GABRG3: variants seen among roughly 807,000 people sequenced by gnomAD.
The protein encoded by GABRG3 is gamma-aminobutyric acid receptor subunit gamma-3.
A neutral mutation model predicts 48.8 loss-of-function variants in GABRG3; 25 were observed. The observed-to-expected ratio is 0.51, with a 90% CI of 0.37 to 0.72. GABRG3 has a LOEUF of 0.72. GABRG3 is among the 30% of genes least tolerant of loss of function. The probability of loss-of-function intolerance (pLI) is 0.00; values close to 1 mark genes in which losing one functional copy is unlikely to be tolerated. For missense variants in GABRG3, 394 were observed against 577.9 expected (o/e 0.68, Z 3.26); for synonymous variants, 227 against 217.6 (o/e 1.04, Z -0.38).
intron 3 of GABRG3, among the ~76,000 whole-genome samples, chr15:27,272,961 C>T (rs1364636483): frequency 6.6e-6 from 1 of 152,150 alleles, no homozygotes; most frequent in Non-Finnish European, 1.5e-5. Context: ...CTGTTGCCGC[C>T]ACTCATCCCT....
chr15:27,438,568 C>G (rs1888687874), intron 5 of GABRG3, among the ~76,000 whole-genome samples: 1 of 152,160 alleles, frequency 6.6e-6, no homozygotes, highest in African/African-American at 2.4e-5. Flanking sequence ...TGCTCAGAGC[C>G]CACATTTGTG....
intron 3 of GABRG3, among the ~76,000 whole-genome samples, chr15:27,221,678 G>C (rs1450489984): frequency 6.6e-6 from 1 of 152,076 alleles, no homozygotes; most frequent in East Asian, 1.9e-4. Context: ...TTACAACCAA[G>C]TAGCTGTTTT....
chr15:27,504,795 GTCTT>G (rs1890725088), intron 6 of GABRG3, among the ~76,000 whole-genome samples: 1 of 151,982 alleles, frequency 6.6e-6, no homozygotes. Context: ...GTCTAGGAAA[GTCTT>G]TATTTTGCCT....
At chr15:27,510,840 T>G (rs1401050295) in intron 6 of GABRG3, among the ~76,000 whole-genome samples, 4 of 152,236 alleles carry the variant, frequency 2.6e-5, no homozygotes, top group Admixed American at 6.5e-5. Context: ...GGGCATGAAG[T>G]TAAAAACTGA....
intron 3 of GABRG3, among the ~76,000 whole-genome samples, chr15:27,318,433 G>A (rs1893306343): frequency 6.6e-6 from 1 of 152,104 alleles, no homozygotes; most frequent in Non-Finnish European, 1.5e-5. Context: ...GAAAGACTGT[G>A]AGTCCCACCT....
intron 3 of GABRG3, among the ~76,000 whole-genome samples, chr15:27,083,345 ATT>A (rs10657484): frequency 2.8e-5 from 4 of 140,780 alleles, no homozygotes; most frequent in Non-Finnish European, 3.1e-5. Context: ...AGAGCTATTG[ATT>A]TTTTTTTTTT....
chr15:27,343,043 C>CTA (rs1894243496), intron 5 of GABRG3, among the ~76,000 whole-genome samples: 3 of 152,214 alleles, frequency 2.0e-5, no homozygotes, highest in Non-Finnish European at 2.9e-5. Context: ...ATCTCCAAGA[C>CTA]CCTACCTGTC....
At chr15:27,505,017 C>G (rs1476291808) in intron 6 of GABRG3, among the ~76,000 whole-genome samples, 1 of 152,186 alleles carries the variant, frequency 6.6e-6, no homozygotes, top group Admixed American at 6.5e-5. Flanking sequence ...AAACTACAGT[C>G]TCTATTCAGA....
rs1322495397 is a variant in GABRG3 at position 27,457,039 on chromosome 15, AG to A, written c.575-23607del. Among the ~76,000 whole-genome samples the A allele has an allele frequency of 6.6e-6, 1 of 152,186 alleles. No individual in the cohort carries two copies. The highest frequency in any genetic ancestry group is 1.5e-5 in the Non-Finnish European group (1 of 68,044). ...CGACCTCAGAAGGACCTGTGACAGC[AG>A]GGGTGTGGAAGTAGAAGGAGCTGGA... On this transcript the variant is annotated intron_variant, in intron 5 of 9. Coordinates refer to ENST00000615808, the MANE Select transcript of GABRG3 (RefSeq NM_033223.5). The surrounding 1 kb of genome is among the most constrained non-coding windows in gnomAD (Gnocchi z 4.4).
intron 5 of GABRG3, among the ~76,000 whole-genome samples, chr15:27,444,331 G>A (rs1232589249): frequency 6.6e-6 from 1 of 151,802 alleles, no homozygotes; most frequent in Admixed American, 6.6e-5. Context: ...TGTCCATTGA[G>A]GTTTATGCAA....
chr15:27,027,839 T>C (rs1003620007), intron 3 of GABRG3, among the ~76,000 whole-genome samples: 5 of 152,376 alleles, frequency 3.3e-5, no homozygotes, highest in African/African-American at 1.2e-4. Context: ...ACATCATTAT[T>C]CAGTTGACTG....
At chr15:27,250,728 C>T (rs912001104) in intron 3 of GABRG3, among the ~76,000 whole-genome samples, 1 of 152,186 alleles carries the variant, frequency 6.6e-6, no homozygotes, top group East Asian at 1.9e-4. Flanking sequence ...CGACTAGCCT[C>T]AGGAAGCACT....
chr15:27,418,836 C>CT (rs937948808), intron 5 of GABRG3: 3 of 149,876 alleles, frequency 2.0e-5, no homozygotes, highest in South Asian at 2.1e-4. Flanking sequence ...CAATTTATGC[C>CT]TTTTTAAAAA....
intron 3 of GABRG3, among the ~76,000 whole-genome samples, chr15:27,033,639 G>A (rs1055055235): frequency 6.6e-6 from 1 of 151,930 alleles, no homozygotes; most frequent in Non-Finnish European, 1.5e-5. Flanking sequence ...ATTTCTTTTA[G>A]CAATATTAGC....
rs1227120224 is a variant in GABRG3, at chr15:26,976,059, C to T, written c.54-943C>T. Among the ~76,000 whole-genome samples the T allele has an allele frequency of 6.6e-6, 1 of 151,370 alleles. No homozygotes were observed. Among genetic ancestry groups the T allele is most frequent in the African/African-American group, 2.4e-5 (1 of 41,116 alleles). ...TCACTCATTGAGAAAACCAGCTTGT[C>T]AAGTACAAGTGTGTGCCAATTATAA... On this transcript the variant is annotated intron_variant, in intron 1 of 9. Transcript: ENST00000615808. This position sits in a 1 kb window ranked among gnomAD's most constrained non-coding sequence, Gnocchi z 7.8.
chr15:27,150,381 G>A (rs1225715499), intron 3 of GABRG3, among the ~76,000 whole-genome samples: 1 of 152,044 alleles, frequency 6.6e-6, no homozygotes, highest in Non-Finnish European at 1.5e-5. Flanking sequence ...ATTAAAAAAT[G>A]CATGTATACT....
At chr15:27,395,359 C>G (rs1887268479) in intron 5 of GABRG3, among the ~76,000 whole-genome samples, 1 of 152,148 alleles carries the variant, frequency 6.6e-6, no homozygotes. Context: ...TTTGATGACA[C>G]TTGAAGACTT....
rs564537595 is a variant in GABRG3, at chr15:27,254,197, C to T, written c.271-72612C>T. 3.0e-4 allele frequency among the ~76,000 whole-genome samples: 45 copies of T among 152,272 alleles called. 1 individual carries two copies. In the South Asian group the frequency reaches 8.9e-3, roughly 30 times the overall value. On this transcript the variant is annotated intron_variant, in intron 3 of 9. Coordinates refer to ENST00000615808, the MANE Select transcript of GABRG3 (RefSeq NM_033223.5). ...GGCCTTCAGCGGCTCCACACACTAACAGGCGCCCCTGGAGATATGCCAGGT... is the reference window on the plus strand; with the variant it reads ...GGCCTTCAGCGGCTCCACACACTAATAGGCGCCCCTGGAGATATGCCAGGT...
Position 27,473,335 on chromosome 15 carries a change from A to T in GABRG3, c.575-7315A>T, listed in dbSNP as rs1415145725. ...GCAAGGAAATTTGAAACTATGGAAA[A>T]GGGGAGAAATACACCTGTCATTGAG... On this transcript the variant is annotated intron_variant, in intron 5 of 9. Transcript: ENST00000615808. Among the ~76,000 whole-genome samples the T allele has an allele frequency of 2.0e-5, 3 of 152,312 alleles. No homozygotes were observed. In the East Asian group the frequency reaches 5.8e-4, roughly 29 times the overall value.
Sources: allele counts gnomAD v4.1 joint callset (sites outside exome capture counted in the v4.1 genomes callset), GRCh38; gene constraint gnomAD v4.1.1; non-coding constraint Gnocchi (gnomAD v3.1); transcripts MANE v1.5; gene names NCBI Gene and HGNC (gene_info 2026-07-23, HGNC 2026-07-21).